Variants in EPM2A observed in about 807,000 individuals in gnomAD.
The protein encoded by EPM2A is laforin.
A neutral mutation model predicts 26.5 loss-of-function variants in EPM2A; 21 were observed. The ratio of observed to expected loss-of-function variants is 0.79; its 90% CI spans 0.56 to 1.14. The LOEUF (loss-of-function observed/expected upper bound fraction) is 1.14. Ranked by LOEUF, EPM2A falls within the 50% of genes most tolerant of loss-of-function variation. The pLI is 0.00. For missense variants in EPM2A, 458 were observed against 440.8 expected, an observed-to-expected ratio of 1.04 and a Z score of -0.35; for synonymous variants, 217 against 177.6, an observed-to-expected ratio of 1.22 and a Z score of -1.76.
chr6:145,399,951 T>C (rs1487326498), intron 4 of EPM2A, among the ~76,000 whole-genome samples: 1 of 152,226 alleles, frequency 6.6e-6, no homozygotes, highest in East Asian at 1.9e-4. Flanking sequence ...TCAAAATGTT[T>C]ATGTTCTGTA....
At chr6:145,635,185 GAC>G in intron 3 of EPM2A, 58 bp downstream of exon 3, 1 of 1,598,614 alleles carries the variant, frequency 6.3e-7, no homozygotes, top group Middle Eastern at 1.7e-4. Context: ...TAGATAGACA[GAC>G]AGACAGCAAG....
chr6:145,587,095 G>T (rs756896501), intron 2 of EPM2A, among the ~76,000 whole-genome samples: 6 of 151,932 alleles, frequency 3.9e-5, no homozygotes, highest in African/African-American at 1.5e-4. Flanking sequence ...TCCATTCACT[G>T]TTCCTCAGAG....
intron 4 of EPM2A, among the ~76,000 whole-genome samples, chr6:145,402,293 T>A (rs1380374741): frequency 6.6e-6 from 1 of 152,106 alleles, no homozygotes; most frequent in East Asian, 1.9e-4. Context: ...GTAAGTTGAA[T>A]CTAATTATGA....
At chr6:145,553,036 C>T (rs931507388) in intron 2 of EPM2A, among the ~76,000 whole-genome samples, 4 of 152,088 alleles carry the variant, frequency 2.6e-5, no homozygotes, top group African/African-American at 4.8e-5. Flanking sequence ...ATAATCCCCA[C>T]GTGTCAAGGA....
intron 4 of EPM2A, among the ~76,000 whole-genome samples, chr6:145,394,045 G>A (rs532910591): frequency 5.3e-5 from 8 of 151,936 alleles, no homozygotes; most frequent in East Asian, 1.9e-4. Context: ...GGATGCTCTC[G>A]ATCTCCTGAC....
chr6:145,413,943 C>A (rs2114677337), intron 4 of EPM2A, among the ~76,000 whole-genome samples: 1 of 152,174 alleles, frequency 6.6e-6, no homozygotes, highest in East Asian at 1.9e-4. Context: ...TTCCCCCTCT[C>A]CTTCTCTAGA....
chr6:145,583,035 C>T (rs1339149615), intron 2 of EPM2A, among the ~76,000 whole-genome samples: 1 of 152,124 alleles, frequency 6.6e-6, no homozygotes, highest in Non-Finnish European at 1.5e-5. Context: ...CACATAGCCA[C>T]TTTGTCTTTC....
intron 2 of EPM2A, among the ~76,000 whole-genome samples, chr6:145,550,326 T>G (rs1780637714): frequency 6.6e-6 from 1 of 152,050 alleles, no homozygotes; most frequent in African/African-American, 2.4e-5. Context: ...TTTACTCTCC[T>G]TTAAGTAGCC....
chr6:145,431,381 A>C (rs1019107123), intron 4 of EPM2A, among the ~76,000 whole-genome samples: 2 of 152,218 alleles, frequency 1.3e-5, no homozygotes, highest in African/African-American at 4.8e-5. Context: ...AATAAAAAGA[A>C]AGCAGCTTAC....
chr6:145,680,862 G>T lies in EPM2A; in HGVS notation c.476+5260C>A, dbSNP rs1364072038. 2.2e-4 allele frequency among the ~76,000 whole-genome samples: 34 copies of T among 151,992 alleles called. 1 individual carries two copies. Among genetic ancestry groups the T allele is most frequent in the Admixed American group, 2.6e-4 (4 of 15,264 alleles). On this transcript the variant is annotated intron_variant, in intron 2 of 3. Coordinates refer to ENST00000367519, the MANE Select transcript of EPM2A (RefSeq NM_005670.4). Reference sequence around the variant, plus strand: ...TGCCGCTATAAACATACGTGTGCATGTGTCTTTATAGCAGCATGATTTATA... The same window carrying T: ...TGCCGCTATAAACATACGTGTGCATTTGTCTTTATAGCAGCATGATTTATA...
At chr6:145,436,520 T>C (rs1265921995) in intron 4 of EPM2A, among the ~76,000 whole-genome samples, 2 of 152,192 alleles carry the variant, frequency 1.3e-5, no homozygotes, top group Non-Finnish European at 2.9e-5. Context: ...GACTATCTTT[T>C]TTACTGTTAA....
chr6:145,678,080 T>G (rs1478161715), intron 2 of EPM2A, among the ~76,000 whole-genome samples: 2 of 151,996 alleles, frequency 1.3e-5, no homozygotes, highest in Non-Finnish European at 2.9e-5. Context: ...CCAAAACAGA[T>G]TTATAGACTA....
chr6:145,720,529 G>T (rs1197500777), intron 1 of EPM2A, among the ~76,000 whole-genome samples: 4 of 152,162 alleles, frequency 2.6e-5, no homozygotes, highest in African/African-American at 9.7e-5. Context: ...CTAAATCGAA[G>T]ATGATGGAAA....
intron 3 of EPM2A, chr6:145,633,960 G>A (rs1212753456): frequency 2.0e-5 from 3 of 152,132 alleles, no homozygotes; most frequent in African/African-American, 4.8e-5. Context: ...CAGCCTCTTC[G>A]TCTGCAAAAT....
intron 4 of EPM2A, among the ~76,000 whole-genome samples, chr6:145,493,665 A>C (rs984044257): frequency 6.6e-6 from 1 of 152,158 alleles, no homozygotes; most frequent in Admixed American, 6.5e-5. Context: ...ATGTTCTTTC[A>C]ATACCTAGTT....
At chr6:145,689,985 T>C (rs1380443058) in intron 1 of EPM2A, among the ~76,000 whole-genome samples, 4 of 152,022 alleles carry the variant, frequency 2.6e-5, no homozygotes, top group African/African-American at 9.7e-5. Flanking sequence ...CACCCGACCA[T>C]CAGTGGATGC....
At chr6:145,617,111 A>G (rs1384473140) in intron 2 of EPM2A, among the ~76,000 whole-genome samples, 2 of 152,160 alleles carry the variant, frequency 1.3e-5, no homozygotes, top group Non-Finnish European at 2.9e-5. Flanking sequence ...TTGAATTGCC[A>G]CATGTTGTGG....
At chr6:145,415,668 G>C (rs1324857031) in intron 4 of EPM2A, among the ~76,000 whole-genome samples, 2 of 152,058 alleles carry the variant, frequency 1.3e-5, no homozygotes, top group Admixed American at 1.3e-4. Context: ...CCTCCCATTT[G>C]TGTTACACTT....
intron 2 of EPM2A, among the ~76,000 whole-genome samples, chr6:145,557,185 CTCAATTCACTTTCTGA>C (rs1454627004): frequency 6.6e-6 from 1 of 152,090 alleles, no homozygotes; most frequent in Admixed American, 6.6e-5. Context: ...AGAGTAACTT[CTCAATTCACTTTCTGA>C]CAGAAGTTCC....
Sources: gnomAD v4.1 joint callset for allele counts (sites outside exome capture counted in the v4.1 genomes callset) on GRCh38, gnomAD v4.1.1 for gene constraint, MANE v1.5 for transcripts, NCBI Gene and HGNC (gene_info 2026-07-23, HGNC 2026-07-21) for gene names.